The following EDRF1 variants were observed in gnomAD, a reference collection of about 807,000 sequenced individuals.
The protein encoded by EDRF1 is erythroid differentiation-related factor 1.
EDRF1 carries 69 observed loss-of-function variants against 148.7 expected under a neutral mutation model. That is an observed-to-expected ratio of 0.46 (90% CI 0.38 to 0.57). EDRF1 has a LOEUF of 0.57. EDRF1 is among the 20% of genes least tolerant of loss of function. The pLI, the probability that EDRF1 is intolerant of heterozygous loss-of-function variation, is 0.00. For synonymous variants in EDRF1, 515 were observed against 532.8 expected, an observed-to-expected ratio of 0.97 and a Z score of 0.46; for missense variants, 1,118 against 1,478.7, an observed-to-expected ratio of 0.76 and a Z score of 4.00.
chr10:125,725,719 A>G lies in EDRF1; in HGVS notation c.673A>G (p.Thr225Ala), dbSNP rs1589820697. 2 of 1,614,096 alleles carry G rather than the reference A, an allele frequency of 1.2e-6. No individual in the cohort carries two copies. Among genetic ancestry groups the G allele is most frequent in the Non-Finnish European group, 1.7e-6 (2 of 1,179,998 alleles). Residue 225 changes from threonine to alanine, a missense_variant, in exon 6 of 25, where the codon ACC becomes GCC. By Grantham distance (58) the Thr-to-Ala change is moderately conservative. Coordinates refer to ENST00000356792, the MANE Select transcript of EDRF1 (RefSeq NM_001202438.2). Reference sequence around the variant, plus strand: ...TGGAGCCGCTCAGCCTGTCTCATCCACCGCAGAACAGCAGGAATCGTCCAG... The same window carrying G: ...TGGAGCCGCTCAGCCTGTCTCATCCGCCGCAGAACAGCAGGAATCGTCCAG... ...GDGAAQPVSS[T>A]AEQQESSSSD...
chr10:125,741,275 G>A, intron 17 of EDRF1, 74 bp downstream of exon 17: 1 of 1,277,150 alleles, frequency 7.8e-7, no homozygotes, highest in Non-Finnish European at 1.1e-6. Flanking sequence ...TGAGTATTCA[G>A]AAAAGGGGTA....
intron 2 of EDRF1, among the ~76,000 whole-genome samples, chr10:125,721,769 CT>C (rs1848018591): frequency 6.6e-6 from 1 of 152,126 alleles, no homozygotes; most frequent in Non-Finnish European, 1.5e-5. Context: ...TTGAACATTC[CT>C]TCATCTTTCC....
chr10:125,722,418 T>C (rs945249734), intron 2 of EDRF1, among the ~76,000 whole-genome samples: 1 of 152,210 alleles, frequency 6.6e-6, no homozygotes, highest in Non-Finnish European at 1.5e-5. Flanking sequence ...TCACAAAGCA[T>C]GCTTTGCTGT....
intron 6 of EDRF1, among the ~76,000 whole-genome samples, chr10:125,728,797 A>G (rs906182813): frequency 6.6e-6 from 1 of 152,246 alleles, no homozygotes; most frequent in South Asian, 2.1e-4. Context: ...AGTAAGATCT[A>G]AATGTGATTC....
intron 22 of EDRF1, among the ~76,000 whole-genome samples, chr10:125,752,571 A>G (rs572600623): frequency 6.6e-6 from 1 of 152,224 alleles, no homozygotes; most frequent in Non-Finnish European, 1.5e-5. Context: ...CTGTCTTGAC[A>G]AAACCAAATG....
chr10:125,753,886 C>A, intron 24 of EDRF1, 41 bp downstream of exon 24: 2 of 1,604,426 alleles, frequency 1.2e-6, no homozygotes, highest in Non-Finnish European at 1.7e-6. Flanking sequence ...TTTCCTAGCA[C>A]CCTACCTATA....
chr10:125,742,963 T>C (rs1849112664), intron 17 of EDRF1, 95 bp from the exon 18 acceptor site: 6 of 1,540,754 alleles, frequency 3.9e-6, no homozygotes, highest in Non-Finnish European at 5.3e-6. Context: ...TATTGCATTT[T>C]TTATTACTTA....
chr10:125,739,503 TAC>T (rs1848905021), intron 15 of EDRF1, among the ~76,000 whole-genome samples: 1 of 152,238 alleles, frequency 6.6e-6, no homozygotes, highest in Non-Finnish European at 1.5e-5. Context: ...TAAATGGTTT[TAC>T]ACACACATGC....
Position 125,747,585 on chromosome 10 carries a change from T to C in EDRF1, c.2864T>C (p.Ile955Thr). The change falls in exon 20 of 25, where the codon ATA becomes ACA. Residue 955 changes from isoleucine to threonine, a missense_variant. By Grantham distance (89) the Ile-to-Thr change is moderately conservative (BLOSUM62 -1). Around this residue, in one of 3 missense-constraint regions of EDRF1, gnomAD observed 954 missense variants for 1,241.4 expected, o/e 0.77. Transcript: ENST00000356792. ...CTAAGGTCATTGGGAACACGAGACA[T>C]ACACCCAGCTGTTTGGGATTCAGTG... ...KALRSLGTRDIHPAVWDSVNW... is the reference protein window; with the variant it reads ...KALRSLGTRDTHPAVWDSVNW... 1 of 1,614,172 alleles carries C rather than the reference T, an allele frequency of 6.2e-7. No homozygotes were observed. The highest frequency in any genetic ancestry group is 8.5e-7 in the Non-Finnish European group (1 of 1,180,012).
chr10:125,742,610 C>A (rs1339364466), intron 17 of EDRF1: 2 of 985,188 alleles, frequency 2.0e-6, no homozygotes, highest in East Asian at 2.3e-4. Flanking sequence ...GTTAAATATT[C>A]TTTTTACTCT....
At position 125,753,639 on chromosome 10, in the gene EDRF1, T is replaced by C. The variant is rs563957508; in HGVS notation, c.3394-55T>C. ...ACTGCAGTTCCATCACTTGGTACGA[T>C]ATGAAACTACAGTTGTTGGATAGCT... On this transcript the variant is annotated intron_variant, in intron 23 of 24. Transcript: ENST00000356792. 6 of 1,592,286 alleles carry C rather than the reference T, an allele frequency of 3.8e-6. No homozygotes were observed. The South Asian group carries it at 5.5e-5, about 15-fold the overall frequency.
intron 6 of EDRF1, among the ~76,000 whole-genome samples, chr10:125,727,213 A>G (rs2133678576): frequency 6.6e-6 from 1 of 152,288 alleles, no homozygotes; most frequent in Middle Eastern, 3.4e-3. Flanking sequence ...CGTGTACTCC[A>G]CACACAGCAA....
intron 6 of EDRF1, 22 bp downstream of exon 6, chr10:125,725,860 C>A: frequency 6.2e-7 from 1 of 1,608,338 alleles, no homozygotes. Context: ...AATGCTAATT[C>A]TAGAAACTCA....
chr10:125,750,606 C>T (rs1297948105), intron 22 of EDRF1: 1 of 152,052 alleles, frequency 6.6e-6, no homozygotes, highest in Non-Finnish European at 1.5e-5. Context: ...TACAGTAGCC[C>T]CTGAAGGATG....
intron 17 of EDRF1, chr10:125,741,576 C>G (rs2133721583): frequency 3.5e-6 from 1 of 285,022 alleles, no homozygotes; most frequent in Admixed American, 4.8e-5. Context: ...TAAGATTAAG[C>G]ATGATCTTGT....
chr10:125,758,756 C>T (rs1475867078), intron 24 of EDRF1, among the ~76,000 whole-genome samples: 1 of 152,146 alleles, frequency 6.6e-6, no homozygotes, highest in African/African-American at 2.4e-5. Context: ...ATTCCACTGT[C>T]ACTGGTCCTT....
chr10:125,721,033 G>A (rs1847970722), intron 1 of EDRF1, among the ~76,000 whole-genome samples, 171 bp from the exon 2 acceptor site: 1 of 152,106 alleles, frequency 6.6e-6, no homozygotes, highest in South Asian at 2.1e-4. Flanking sequence ...TGGTGTAAAA[G>A]AACTAAGTAA....
At chr10:125,720,001 G>T in intron 1 of EDRF1, 86 bp downstream of exon 1, 1 of 1,238,774 alleles carries the variant, frequency 8.1e-7, no homozygotes, top group Non-Finnish European at 1.2e-6. Context: ...GTTCCCGGCA[G>T]ATTCTGGAGG....
rs1850262505 is a variant in EDRF1 at position 125,763,142 on chromosome 10, A to G, written c.3546-159A>G. ...ATGTGTAGAAACAGGCCCATGAGCA[A>G]TATGTAAAAGAAGGCAGGTCTGAAC... On this transcript the variant is annotated intron_variant, in intron 24 of 24. Coordinates refer to ENST00000356792, the MANE Select transcript of EDRF1 (RefSeq NM_001202438.2). The surrounding 1 kb of genome is among the most constrained non-coding windows in gnomAD (Gnocchi z 4.3). 6.6e-6 allele frequency among the ~76,000 whole-genome samples: 1 copy of G among 152,220 alleles called. No homozygotes were observed. Among genetic ancestry groups the G allele is most frequent in the Non-Finnish European group, 1.5e-5 (1 of 68,038 alleles).
Sources: allele counts gnomAD v4.1 joint callset (sites outside exome capture counted in the v4.1 genomes callset), GRCh38; gene constraint gnomAD v4.1.1; regional missense constraint gnomAD v4.1.1; non-coding constraint Gnocchi (gnomAD v3.1); transcripts MANE v1.5; gene names NCBI Gene and HGNC (gene_info 2026-07-23, HGNC 2026-07-21).